The following MTUS2 variants were observed in gnomAD, a reference collection of about 807,000 sequenced individuals.
MTUS2 encodes microtubule-associated tumor suppressor candidate 2.
MTUS2 carries 40 observed loss-of-function variants against 114.1 expected under a neutral mutation model. That is an observed-to-expected ratio of 0.35 (90% CI 0.27 to 0.46). The LOEUF is 0.46. Among genes scored for constraint, MTUS2 ranks in the 20% least tolerant of loss-of-function variants. MTUS2 has a pLI of 1.00. For synonymous variants in MTUS2, 688 were observed against 672.0 expected (o/e 1.02, Z -0.37); for missense variants, 1,679 against 1,705.4 (o/e 0.98, Z 0.27).
intron 9 of MTUS2, among the ~76,000 whole-genome samples, chr13:29,445,914 A>G (rs1032012200): frequency 3.9e-5 from 6 of 151,954 alleles, no homozygotes; most frequent in Non-Finnish European, 8.8e-5. Flanking sequence ...TCTCCAAAAA[A>G]AAAAAAGAGA....
chr13:29,227,791 C>T (rs977736369), intron 5 of MTUS2, among the ~76,000 whole-genome samples: 1 of 152,302 alleles, frequency 6.6e-6, no homozygotes, highest in East Asian at 1.9e-4. Flanking sequence ...TTCTATTATG[C>T]AATCTAGGGC....
At chr13:29,383,170 C>A (rs758040003) in intron 8 of MTUS2, among the ~76,000 whole-genome samples, 1 of 148,298 alleles carries the variant, frequency 6.7e-6, no homozygotes, top group Non-Finnish European at 1.5e-5. Flanking sequence ...AAATGACATA[C>A]AAGTCATAGC....
chr13:29,227,964 A>G (rs1428006406), intron 5 of MTUS2, among the ~76,000 whole-genome samples: 1 of 152,192 alleles, frequency 6.6e-6, no homozygotes, highest in South Asian at 2.1e-4. Context: ...TAATAGAATT[A>G]TAGTGTTTTT....
At chr13:29,060,587 T>C (rs1370902721) in intron 4 of MTUS2, among the ~76,000 whole-genome samples, 1 of 148,508 alleles carries the variant, frequency 6.7e-6, no homozygotes, top group Non-Finnish European at 1.5e-5. Context: ...GGTAAATCAC[T>C]TTTCGGTCTT....
In MTUS2 at chr13:28,846,518, T is replaced by C. The variant is rs560038559; in HGVS notation, c.-243+6668T>C. ...AGTTGTAGTTTTCTTCTTTCCTCTT[T>C]AGGAGAAATTATCAGGGCAGGTTAA... On this transcript the variant is annotated intron_variant, in intron 2 of 15. Coordinates refer to ENST00000612955, the MANE Select transcript of MTUS2 (RefSeq NM_001033602.4). Among the ~76,000 whole-genome samples, 5 of 59,640 alleles carry C rather than the reference T, an allele frequency of 8.4e-5. No individual in the cohort carries two copies. The South Asian group carries it at 9.7e-4, about 12-fold the overall frequency. 39.1% of individuals were successfully genotyped at this position (59,640 alleles called of 152,430 possible). A position where few individuals can be genotyped will look rare whatever the true frequency, so the allele number is the denominator to read the frequency against.
At chr13:29,159,515 C>G (rs1893006730) in intron 5 of MTUS2, among the ~76,000 whole-genome samples, 1 of 151,896 alleles carries the variant, frequency 6.6e-6, no homozygotes, top group Non-Finnish European at 1.5e-5. Flanking sequence ...TAGATCTCAT[C>G]AAAATTAAAA....
At chr13:29,181,685 A>G (rs943645390) in intron 5 of MTUS2, among the ~76,000 whole-genome samples, 3 of 152,164 alleles carry the variant, frequency 2.0e-5, no homozygotes, top group Non-Finnish European at 4.4e-5. Context: ...ATAAATTCAT[A>G]TGAGTGATTT....
chr13:29,026,512 C>T lies in MTUS2; in HGVS notation c.1814C>T (p.Ser605Phe). ...SGIPKPVFTHSKDTPSSQEGM... is the reference protein window; with the variant it reads ...SGIPKPVFTHFKDTPSSQEGM... The stretch of plus-strand genomic sequence containing the variant: ...ATCCCCAAGCCTGTCTTCACACATT[C>T]CAAGGACACACCTTCCTCGCAGGAG... The change falls in exon 3 of 16, where the codon TCC (serine) becomes TTC (phenylalanine). Residue 605 changes from serine (S) to phenylalanine (F), a missense_variant. Around this residue, in one of 3 missense-constraint regions of MTUS2, gnomAD observed 843 missense variants for 770.8 expected, o/e 1.09. Coordinates refer to ENST00000612955, the MANE Select transcript of MTUS2 (RefSeq NM_001033602.4). The T allele has an allele frequency of 6.2e-7, 1 of 1,613,974 alleles. No homozygotes were observed. Among genetic ancestry groups the T allele is most frequent in the Middle Eastern group, 1.6e-4 (1 of 6,062 alleles).
At chr13:29,178,404 G>A (rs1328733960) in intron 5 of MTUS2, among the ~76,000 whole-genome samples, 5 of 151,798 alleles carry the variant, frequency 3.3e-5, no homozygotes, top group Admixed American at 6.6e-5. Context: ...GAAAATCCTC[G>A]GAGATATTCT....
intron 5 of MTUS2, among the ~76,000 whole-genome samples, chr13:29,103,024 G>A (rs529586314): frequency 6.6e-6 from 1 of 152,268 alleles, no homozygotes; most frequent in Non-Finnish European, 1.5e-5. Flanking sequence ...TTCAGCTCAT[G>A]GAAACAGCCA....
chr13:29,087,275 C>T lies in MTUS2; in HGVS notation c.2447-13498C>T, dbSNP rs530927337. Among the ~76,000 whole-genome samples the T allele has an allele frequency of 2.0e-5, 3 of 152,254 alleles. 1 individual carries two copies. In the South Asian group the frequency reaches 6.2e-4, roughly 32 times the overall value. On this transcript the variant is annotated intron_variant, in intron 4 of 15. Coordinates refer to ENST00000612955, the MANE Select transcript of MTUS2 (RefSeq NM_001033602.4). The stretch of plus-strand genomic sequence containing the variant: ...GTTCTTATTAGTTTGAGATATGTTC[C>T]TTAAATGCCTTGTTTGTTAGAGGTT...
At chr13:29,307,402 G>T in intron 6 of MTUS2, 1 of 1,021,810 alleles carries the variant, frequency 9.8e-7, no homozygotes, top group East Asian at 2.4e-5. Context: ...CATCATCCCT[G>T]CCCCTAGTGA....
Position 28,996,476 on chromosome 13 carries a change from G to A in MTUS2, c.-242-27981G>A, listed in dbSNP as rs533648947. Among the ~76,000 whole-genome samples the A allele has an allele frequency of 5.9e-5, 9 of 152,208 alleles. No homozygotes were observed. In the East Asian group the frequency reaches 1.7e-3, roughly 29 times the overall value. On this transcript the variant is annotated intron_variant, in intron 2 of 15. Transcript: ENST00000612955. ...TGGAATAGTTTCAGAAGGAATGGTA[G>A]CAGCTCCTCCTTGTACCTCTGGTAG...
chr13:29,306,476 C>T (rs917126892), intron 6 of MTUS2, among the ~76,000 whole-genome samples: 112 of 152,264 alleles, frequency 7.4e-4, no homozygotes, highest in African/African-American at 2.6e-3. Context: ...AAATTGCTAG[C>T]ATTCCTATAC....
chr13:29,440,747 G>T (rs1457955675), intron 9 of MTUS2, among the ~76,000 whole-genome samples: 1 of 152,018 alleles, frequency 6.6e-6, no homozygotes. Context: ...CTCTTTACCA[G>T]TGAGCACTCC....
At chr13:28,976,621 G>A (rs771569172) in intron 2 of MTUS2, among the ~76,000 whole-genome samples, 2 of 152,180 alleles carry the variant, frequency 1.3e-5, no homozygotes, top group Non-Finnish European at 2.9e-5. Context: ...TGGAAGTACA[G>A]TAGGAGGAGA....
At chr13:29,269,866 AG>A (rs1157416026) in intron 5 of MTUS2, among the ~76,000 whole-genome samples, 4 of 152,242 alleles carry the variant, frequency 2.6e-5, no homozygotes, top group Non-Finnish European at 4.4e-5. Flanking sequence ...AGAATACCAT[AG>A]GGCCTTTGAA....
At chr13:29,289,906 T>C (rs1898637010) in intron 6 of MTUS2, among the ~76,000 whole-genome samples, 1 of 152,172 alleles carries the variant, frequency 6.6e-6, no homozygotes, top group Non-Finnish European at 1.5e-5. Flanking sequence ...CTCTCCAGAA[T>C]TGGTGTTTAT....
chr13:29,135,409 A>G (rs77661832), intron 5 of MTUS2, among the ~76,000 whole-genome samples: 3,367 of 152,192 alleles, frequency 0.022, 119 homozygotes, highest in African/African-American at 0.076. Flanking sequence ...CTTTCAACCT[A>G]TTTGTGTCCT....
Sources: allele counts gnomAD v4.1 joint callset (sites outside exome capture counted in the v4.1 genomes callset), GRCh38; gene constraint gnomAD v4.1.1; regional missense constraint gnomAD v4.1.1; transcripts MANE v1.5; gene names NCBI Gene and HGNC (gene_info 2026-07-23, HGNC 2026-07-21).